The following NCKAP5 variants were observed in gnomAD, a reference collection of about 807,000 sequenced individuals.
NCKAP5 encodes NCK associated protein 5, also known as nck-associated protein 5.
A neutral mutation model predicts 167.0 loss-of-function variants in NCKAP5; 92 were observed. That is an observed-to-expected ratio of 0.55 (90% CI 0.47 to 0.66). The LOEUF is 0.66. NCKAP5 is among the 30% of genes least tolerant of loss of function. The pLI is 0.00. For synonymous variants in NCKAP5, 891 were observed against 877.4 expected (o/e 1.02, Z -0.27); for missense variants, 2,378 against 2,315.0 (o/e 1.03, Z -0.56).
chr2:133,142,000 A>G (rs1836222), intron 5 of NCKAP5, among the ~76,000 whole-genome samples: 29,661 of 152,138 alleles, frequency 0.19, 3,066 homozygotes, highest in Non-Finnish European at 0.22. Context: ...TACAATTACC[A>G]AAGTTAGAAG....
At chr2:132,867,596 C>T (rs1158203274) in intron 10 of NCKAP5, among the ~76,000 whole-genome samples, 1 of 152,126 alleles carries the variant, frequency 6.6e-6, no homozygotes, top group East Asian at 1.9e-4. Flanking sequence ...TCATATTCCT[C>T]AGCTTTTATT....
chr2:133,254,469 A>G (rs1233614770), intron 4 of NCKAP5, among the ~76,000 whole-genome samples: 1 of 152,164 alleles, frequency 6.6e-6, no homozygotes. Context: ...GAGGAGCAGA[A>G]GAACCACCCA....
At chr2:133,125,644 A>G (rs984379047) in intron 6 of NCKAP5, among the ~76,000 whole-genome samples, 12 of 152,324 alleles carry the variant, frequency 7.9e-5, no homozygotes, top group Non-Finnish European at 1.3e-4. Context: ...CTAAGATATC[A>G]CCACCTGCCT....
intron 6 of NCKAP5, among the ~76,000 whole-genome samples, chr2:133,104,054 C>T (rs1559142110): frequency 1.3e-5 from 2 of 151,994 alleles, no homozygotes; most frequent in East Asian, 1.9e-4. Context: ...ATATTTCTGG[C>T]CCAGAGCTGC....
chr2:133,297,353 C>G (rs972862628), intron 4 of NCKAP5, among the ~76,000 whole-genome samples: 1 of 152,116 alleles, frequency 6.6e-6, no homozygotes, highest in Non-Finnish European at 1.5e-5. Context: ...TTGTTGCTAT[C>G]AAAAAGACAA....
At chr2:133,249,134 T>C (rs1300892142) in intron 4 of NCKAP5, among the ~76,000 whole-genome samples, 1 of 151,006 alleles carries the variant, frequency 6.6e-6, no homozygotes, top group East Asian at 2.0e-4. Context: ...TGCATTCTCA[T>C]CCAGAACTTT....
rs182855817 is a variant in NCKAP5 at position 133,059,830 on chromosome 2, A to T, written c.342-65591T>A. ...AATTCACATTACTTGGTTTACTATG[A>T]TATACACTTTATTGAGGTAGTCTGG... is the stretch of plus-strand genomic sequence containing the variant. On this transcript the variant is annotated intron_variant, in intron 6 of 19. Coordinates refer to ENST00000409261, the MANE Select transcript of NCKAP5 (RefSeq NM_207363.3). 5.3e-5 allele frequency among the ~76,000 whole-genome samples: 8 copies of T among 152,282 alleles called. No individual in the cohort carries two copies. The East Asian group carries it at 1.5e-3, about 29-fold the overall frequency.
At chr2:133,428,177 C>T (rs61359925) in intron 3 of NCKAP5, among the ~76,000 whole-genome samples, 1 of 152,024 alleles carries the variant, frequency 6.6e-6, no homozygotes, top group East Asian at 1.9e-4. Context: ...AAGCTTTGTC[C>T]TACAAGATAT....
rs1683443607 is a variant in NCKAP5 at position 132,785,111 on chromosome 2, C to T, written c.1700G>A (p.Gly567Asp). 6.2e-7 allele frequency: 1 copy of T among 1,613,754 alleles called. No individual in the cohort carries two copies. The highest frequency in any genetic ancestry group is 1.3e-5 in the African/African-American group (1 of 74,948). ...PQVQRERGPQ[G>D]QGHGRMALNL... ...GAGAGCCATGCGGCCATGGCCTTGG[C>T]CCTGTGGGCCCCTCTCCCTCTGTAC... is the stretch of plus-strand genomic sequence containing the variant. Residue 567 changes from glycine to aspartate, a missense_variant, in exon 14 of 20, where the codon GGC becomes GAC. Physicochemically the swap from Gly to Asp is moderately conservative, Grantham distance 94. Transcript: ENST00000409261.
At chr2:133,078,580 CAA>C (rs1318260058) in intron 6 of NCKAP5, among the ~76,000 whole-genome samples, 1 of 152,038 alleles carries the variant, frequency 6.6e-6, no homozygotes, top group African/African-American at 2.4e-5. Flanking sequence ...TGAAGAGACT[CAA>C]TACAGTGTGA....
intron 8 of NCKAP5, among the ~76,000 whole-genome samples, chr2:132,955,613 A>G (rs144215287): frequency 0.02 from 3,086 of 152,282 alleles, 66 homozygotes; most frequent in East Asian, 0.069. Context: ...TGCTGTAGTA[A>G]ACATACATGT....
rs192273423 is a variant in NCKAP5 at position 133,250,519 on chromosome 2, G to A, written c.144-36740C>T. Among the ~76,000 whole-genome samples the A allele has an allele frequency of 8.5e-5, 13 of 152,334 alleles. 1 individual carries two copies. The East Asian group carries it at 9.6e-4, about 11-fold the overall frequency. ...CCTGACACCATGTGGAGGGCCAGCC[G>A]AGGGCAGGGCCACCTGCTTCTGAGG... On this transcript the variant is annotated intron_variant, in intron 4 of 19. Coordinates refer to ENST00000409261, the MANE Select transcript of NCKAP5 (RefSeq NM_207363.3).
At chr2:133,078,349 A>C (rs1197803666) in intron 6 of NCKAP5, among the ~76,000 whole-genome samples, 1 of 152,194 alleles carries the variant, frequency 6.6e-6, no homozygotes, top group East Asian at 1.9e-4. Context: ...CCAGTGTCTC[A>C]GTGCATCTGT....
At chr2:132,994,013 A>G in intron 7 of NCKAP5, 139 bp downstream of exon 7, 1 of 550,548 alleles carries the variant, frequency 1.8e-6, no homozygotes, top group Non-Finnish European at 3.2e-6. Context: ...TCCTCAAAAC[A>G]GAGGTGACTA....
chr2:133,088,371 C>G (rs56193554), intron 6 of NCKAP5, among the ~76,000 whole-genome samples: 4 of 152,066 alleles, frequency 2.6e-5, no homozygotes, highest in African/African-American at 9.7e-5. Flanking sequence ...GTCCCCCGTA[C>G]GTGAAGTACA....
intron 6 of NCKAP5, among the ~76,000 whole-genome samples, chr2:133,046,579 A>G (rs1356518300): frequency 2.6e-5 from 4 of 151,986 alleles, no homozygotes; most frequent in African/African-American, 9.7e-5. Flanking sequence ...GTACCTCTCT[A>G]TGTTGCCCAG....
intron 4 of NCKAP5, among the ~76,000 whole-genome samples, chr2:133,226,231 A>G (rs534951914): frequency 6.6e-6 from 1 of 152,198 alleles, no homozygotes; most frequent in South Asian, 2.1e-4. Context: ...ATAAGCCGCC[A>G]CACCGGGCCC....
chr2:132,704,260 C>T (rs571909131), intron 19 of NCKAP5, among the ~76,000 whole-genome samples: 1 of 152,194 alleles, frequency 6.6e-6, no homozygotes, highest in East Asian at 1.9e-4. Flanking sequence ...TCCGTCTTTC[C>T]TACTTCCTGC....
chr2:133,022,869 C>T (rs1446010418), intron 6 of NCKAP5, among the ~76,000 whole-genome samples: 1 of 152,134 alleles, frequency 6.6e-6, no homozygotes, highest in Non-Finnish European at 1.5e-5. Context: ...ATCTTCCTCG[C>T]CCCTACACTA....
Sources: allele counts gnomAD v4.1 joint callset (sites outside exome capture counted in the v4.1 genomes callset), GRCh38; gene constraint gnomAD v4.1.1; transcripts MANE v1.5; gene names NCBI Gene and HGNC (gene_info 2026-07-23, HGNC 2026-07-21).